The following MARCHF5 variants were observed in gnomAD, a reference collection of about 807,000 sequenced individuals.
The protein encoded by MARCHF5 is E3 ubiquitin-protein ligase MARCHF5.
Under a neutral mutation model 36.5 loss-of-function variants are expected in MARCHF5, and 5 were observed. That is an observed-to-expected ratio of 0.14 (90% CI 0.07 to 0.29). MARCHF5 has a LOEUF of 0.29. MARCHF5 is among the 10% of genes least tolerant of loss of function. The probability of loss-of-function intolerance (pLI) is 1.00; values close to 1 mark genes in which losing one functional copy is unlikely to be tolerated. For synonymous variants in MARCHF5, 103 were observed against 109.9 expected, an observed-to-expected ratio of 0.94 and a Z score of 0.39; for missense variants, 179 against 336.3, an observed-to-expected ratio of 0.53 and a Z score of 3.66.
intron 2 of MARCHF5, among the ~76,000 whole-genome samples, chr10:92,332,603 C>T (rs1215115901): frequency 6.7e-6 from 1 of 150,056 alleles, no homozygotes; most frequent in African/African-American, 2.5e-5. Flanking sequence ...TCACTACAAC[C>T]TCCACCTCCT....
intron 2 of MARCHF5, among the ~76,000 whole-genome samples, chr10:92,324,609 G>A (rs1374511998): frequency 6.6e-6 from 1 of 152,030 alleles, no homozygotes; most frequent in Non-Finnish European, 1.5e-5. Context: ...TGCCGCACCC[G>A]GCCTCTCATT....
At position 92,291,415 on chromosome 10, in the gene MARCHF5, C is replaced by T; in HGVS notation, c.-80C>T. 7.8e-7 allele frequency: 1 copy of T among 1,277,024 alleles called. No homozygotes were observed. Among genetic ancestry groups the T allele is most frequent in the African/African-American group, 1.5e-5 (1 of 66,530 alleles). 79.1% of individuals were successfully genotyped at this position (1,277,024 alleles called of 1,614,324 possible). A position where few individuals can be genotyped will look rare whatever the true frequency, so the allele number is the denominator to read the frequency against. ...GCCGCCGGACTGCGGCCTACTCCGCCGCCTCTCAGTGCTATTGTCCCTGGG... is the reference window on the plus strand; with the variant it reads ...GCCGCCGGACTGCGGCCTACTCCGCTGCCTCTCAGTGCTATTGTCCCTGGG... On this transcript the variant is annotated 5_prime_UTR_variant, in exon 1 of 6. Transcript: ENST00000358935.
chr10:92,294,854 A>G (rs1191887951), intron 1 of MARCHF5, among the ~76,000 whole-genome samples: 2 of 152,130 alleles, frequency 1.3e-5, no homozygotes, highest in African/African-American at 4.8e-5. Context: ...TGTGGGCAAC[A>G]TGGCAAGACT....
intron 2 of MARCHF5, among the ~76,000 whole-genome samples, chr10:92,312,781 GT>G (rs1212198353): frequency 6.6e-6 from 1 of 152,232 alleles, no homozygotes; most frequent in African/African-American, 2.4e-5. Context: ...ACTACATCAA[GT>G]TGACAAGTGT....
intron 3 of MARCHF5, among the ~76,000 whole-genome samples, chr10:92,348,137 C>T (rs1208243600): frequency 6.7e-6 from 1 of 149,096 alleles, no homozygotes; most frequent in Non-Finnish European, 1.5e-5. Context: ...GAGCCAAGAT[C>T]GTGCCATTGC....
intron 1 of MARCHF5, among the ~76,000 whole-genome samples, chr10:92,296,427 A>G (rs1021843146): frequency 3.3e-5 from 5 of 152,096 alleles, no homozygotes; most frequent in African/African-American, 9.7e-5. Flanking sequence ...CATTGCTTCA[A>G]TTCTTTAATA....
At chr10:92,317,229 C>T (rs1222565868) in intron 2 of MARCHF5, among the ~76,000 whole-genome samples, 7 of 152,040 alleles carry the variant, frequency 4.6e-5, no homozygotes, top group Non-Finnish European at 8.8e-5. Context: ...CCTCGGCCTC[C>T]CTGGGATTAC....
chr10:92,322,581 A>C (rs1483307669), intron 2 of MARCHF5, among the ~76,000 whole-genome samples: 2 of 149,368 alleles, frequency 1.3e-5, no homozygotes, highest in African/African-American at 4.9e-5. Flanking sequence ...CTGGGACTGC[A>C]GGTGCTCATC....
Position 92,353,095 on chromosome 10 carries a change from C to G in MARCHF5, c.*1888C>G, listed in dbSNP as rs976503736. ...TATAGGTATTAGGGCTCATGAAGGC[C>G]GGGGAACAACTCTAATCCTTTTGGG... On this transcript the variant is annotated 3_prime_UTR_variant, in exon 6 of 6. Coordinates refer to ENST00000358935, the MANE Select transcript of MARCHF5 (RefSeq NM_017824.5). 6.6e-6 allele frequency: 1 copy of G among 152,108 alleles called. No individual in the cohort carries two copies. The highest frequency in any genetic ancestry group is 1.9e-4 in the East Asian group (1 of 5,190). The allele number at this position is 152,108 out of a possible 1,614,324, so 9.4% of individuals were successfully genotyped here.
At chr10:92,349,650 C>T (rs754679116) in intron 4 of MARCHF5, 21 bp from the exon 5 acceptor site, 1 of 1,611,134 alleles carries the variant, frequency 6.2e-7, no homozygotes, top group Non-Finnish European at 8.5e-7. Context: ...AGCACTAACG[C>T]ACTGCATTTT....
intron 1 of MARCHF5, among the ~76,000 whole-genome samples, chr10:92,295,653 C>T (rs1174284176): frequency 1.3e-5 from 2 of 151,774 alleles, no homozygotes; most frequent in South Asian, 2.1e-4. Context: ...CGTAATCTGC[C>T]GGAATTGACC....
At chr10:92,330,459 A>G (rs1335843199) in intron 2 of MARCHF5, among the ~76,000 whole-genome samples, 3 of 152,006 alleles carry the variant, frequency 2.0e-5, no homozygotes, top group Non-Finnish European at 2.9e-5. Context: ...TTCCCTTTAC[A>G]TTGCCAGATT....
intron 2 of MARCHF5, among the ~76,000 whole-genome samples, chr10:92,332,479 G>T (rs750510997): frequency 6.0e-5 from 9 of 148,788 alleles, no homozygotes; most frequent in South Asian, 2.1e-4. Flanking sequence ...AGAGAAAGAG[G>T]TAAAACTCTT....
intron 1 of MARCHF5, among the ~76,000 whole-genome samples, chr10:92,292,686 C>T (rs1374205077): frequency 2.0e-5 from 3 of 152,090 alleles, no homozygotes; most frequent in African/African-American, 7.2e-5. Context: ...GTGATTCATC[C>T]AGCCCTTGTT....
intron 1 of MARCHF5, among the ~76,000 whole-genome samples, chr10:92,298,189 T>G (rs1290047957): frequency 6.6e-6 from 1 of 152,216 alleles, no homozygotes; most frequent in African/African-American, 2.4e-5. Context: ...TATATGTATA[T>G]GTATACTAAA....
intron 1 of MARCHF5, among the ~76,000 whole-genome samples, chr10:92,296,180 G>A (rs1368037378): frequency 1.3e-5 from 2 of 152,002 alleles, no homozygotes; most frequent in Non-Finnish European, 2.9e-5. Flanking sequence ...TGACCATATG[G>A]ATATATATTC....
At chr10:92,305,100 GT>G (rs755051285) in intron 1 of MARCHF5, among the ~76,000 whole-genome samples, 31 of 152,206 alleles carry the variant, frequency 2.0e-4, no homozygotes, top group African/African-American at 7.0e-4. Flanking sequence ...TGATTTCTAT[GT>G]TACGGTGAGT....
intron 2 of MARCHF5, among the ~76,000 whole-genome samples, chr10:92,320,278 C>G (rs1843275216): frequency 6.6e-6 from 1 of 151,870 alleles, no homozygotes; most frequent in Non-Finnish European, 1.5e-5. Flanking sequence ...GCTGATTTCT[C>G]TCTTCTGACT....
intron 2 of MARCHF5, among the ~76,000 whole-genome samples, chr10:92,338,740 T>G (rs1394512102): frequency 6.6e-6 from 1 of 152,216 alleles, no homozygotes; most frequent in African/African-American, 2.4e-5. Context: ...AGATGGATGC[T>G]TTGTTCTTAC....
Sources: gnomAD v4.1 joint callset for allele counts (sites outside exome capture counted in the v4.1 genomes callset) on GRCh38, gnomAD v4.1.1 for gene constraint, MANE v1.5 for transcripts, NCBI Gene and HGNC (gene_info 2026-07-23, HGNC 2026-07-21) for gene names.